The following TBCE variants were observed in gnomAD, a reference collection of about 807,000 sequenced individuals.
The protein encoded by TBCE is tubulin-specific chaperone E.
In TBCE, 53 loss-of-function variants were observed where a neutral mutation model predicts 77.0. The ratio of observed to expected loss-of-function variants is 0.69; its 90% CI spans 0.55 to 0.87. TBCE has a LOEUF of 0.87. Ranked by LOEUF, TBCE falls within the 40% of genes least tolerant of loss-of-function variation. TBCE has a pLI of 0.00. For synonymous variants in TBCE, 235 were observed against 241.3 expected (o/e 0.97, Z 0.24); for missense variants, 624 against 622.4 (o/e 1.00, Z -0.03).
Position 235,419,473 on chromosome 1 carries a change from T to C in TBCE, c.372T>C (p.Ser124=), listed in dbSNP as rs1050078313. The C allele has an allele frequency of 1.2e-6, 2 of 1,614,028 alleles. No homozygotes were observed. The highest frequency in any genetic ancestry group is 1.7e-6 in the Non-Finnish European group (2 of 1,180,032). ...IGFDSIMKQQ[S]QLSKLQEVSL... ...CATGTGAACTCTGTTTTTCATGCAGTCAGCTGAGCAAGTTGCAAGAAGTTT... is the reference window on the plus strand; with the variant it reads ...CATGTGAACTCTGTTTTTCATGCAGCCAGCTGAGCAAGTTGCAAGAAGTTT... Residue 124 remains serine, a splice_region_variant and synonymous_variant, in exon 5 of 17, where the codon AGT becomes AGC. Transcript: ENST00000642610.
intron 14 of TBCE, among the ~76,000 whole-genome samples, chr1:235,442,491 C>T (rs1183226725): frequency 6.6e-6 from 1 of 152,180 alleles, no homozygotes; most frequent in Admixed American, 6.5e-5. Flanking sequence ...TTCTTTAAAA[C>T]ATGTTTAAAT....
intron 5 of TBCE, among the ~76,000 whole-genome samples, chr1:235,426,575 A>G (rs1680725502): frequency 6.6e-6 from 1 of 152,180 alleles, no homozygotes; most frequent in Non-Finnish European, 1.5e-5. Flanking sequence ...GTTTAGCGTT[A>G]TGACATTTGG....
intron 2 of TBCE, among the ~76,000 whole-genome samples, chr1:235,387,468 G>A (rs567312162): frequency 3.3e-5 from 5 of 152,186 alleles, no homozygotes; most frequent in East Asian, 1.9e-4. Flanking sequence ...CGAGCTTCCC[G>A]GCTGCTTTGT....
At chr1:235,422,516 A>C (rs1174863674) in intron 5 of TBCE, among the ~76,000 whole-genome samples, 2 of 142,322 alleles carry the variant, frequency 1.4e-5, no homozygotes, top group East Asian at 4.0e-4. Context: ...ACTCCATCTC[A>C]AAAAAAAAAA....
intron 9 of TBCE, 128 bp from the exon 10 acceptor site, chr1:235,436,258 T>G: frequency 1.2e-6 from 1 of 809,468 alleles, no homozygotes; most frequent in Non-Finnish European, 2.1e-6. Context: ...GACTTTATGG[T>G]TTCTAAGTAT....
At chr1:235,372,002 A>T (rs12079328) in intron 1 of TBCE, among the ~76,000 whole-genome samples, 20,641 of 149,740 alleles carry the variant, frequency 0.14, 1,704 homozygotes, top group African/African-American at 0.23. Flanking sequence ...TTTTTTGTAC[A>T]ATAGGGTCTC....
At chr1:235,394,444 G>C (rs1277334853) in intron 2 of TBCE, among the ~76,000 whole-genome samples, 1 of 13,896 alleles carries the variant, frequency 7.2e-5, no homozygotes, top group Non-Finnish European at 1.9e-4. Flanking sequence ...TTTTTTTTTT[G>C]AGACAGGTTG....
At chr1:235,419,341 G>C in intron 4 of TBCE, 132 bp from the exon 5 acceptor site, 1 of 1,269,390 alleles carries the variant, frequency 7.9e-7, no homozygotes, top group Non-Finnish European at 1.1e-6. Flanking sequence ...TTCTTAATTT[G>C]GGTGGTGGTT....
rs181223923 is a variant in TBCE, at chr1:235,434,291, C to T, written c.737+11C>T. The T allele has an allele frequency of 6.2e-4, 996 of 1,609,656 alleles. 1 individual carries two copies. Among genetic ancestry groups the T allele is most frequent in the Non-Finnish European group, 6.8e-4 (795 of 1,175,988 alleles). ...TTTCATTTCCGAAAGGTAACTAGCA[C>T]TTACTTAAATGCATCTATCCCCATT... On this transcript the variant is annotated intron_variant, in intron 8 of 16. Transcript: ENST00000642610.
intron 3 of TBCE, among the ~76,000 whole-genome samples, chr1:235,412,092 GTTTCCCTTCCCATCCC>G (rs768868882): frequency 0.07 from 3,315 of 47,424 alleles, 192 homozygotes; most frequent in African/African-American, 0.13. Flanking sequence ...CACTCTCCAA[GTTTCCCTTCCCATCCC>G]TTTCCCTTCC....
chr1:235,379,863 C>T (rs988021912), intron 1 of TBCE, among the ~76,000 whole-genome samples, 156 bp from the exon 2 acceptor site: 11 of 149,028 alleles, frequency 7.4e-5, no homozygotes, highest in African/African-American at 2.2e-4. Flanking sequence ...GCACAAGAAC[C>T]CTTGAGCCTG....
intron 3 of TBCE, among the ~76,000 whole-genome samples, chr1:235,402,547 A>C (rs1474195400): frequency 6.6e-6 from 1 of 152,170 alleles, no homozygotes; most frequent in Non-Finnish European, 1.5e-5. Flanking sequence ...TTTTTCCTTA[A>C]GTATGGTACA....
rs1036391072 is a variant in TBCE, at chr1:235,375,037, C to T, written c.-31-4982C>T. ...CTGGGTTCACACCATTCTCCTGCCT[C>T]AGCCTCCCGAGTAGCTGGGACTACA... On this transcript the variant is annotated intron_variant, in intron 1 of 16. Transcript: ENST00000642610. Among the ~76,000 whole-genome samples, 11 of 147,224 alleles carry T rather than the reference C, an allele frequency of 7.5e-5. No homozygotes were observed. The South Asian group carries it at 1.1e-3, about 14-fold the overall frequency.
chr1:235,376,728 CA>C (rs1475515320), intron 1 of TBCE, among the ~76,000 whole-genome samples: 2 of 152,136 alleles, frequency 1.3e-5, no homozygotes, highest in African/African-American at 4.8e-5. Context: ...GTAATCCCAG[CA>C]CTTGGAGGCC....
chr1:235,402,189 G>C (rs1194277446), intron 3 of TBCE, among the ~76,000 whole-genome samples: 2 of 150,514 alleles, frequency 1.3e-5, no homozygotes, highest in Non-Finnish European at 3.0e-5. Flanking sequence ...TCAGCCTCCT[G>C]AGTAGCTGGG....
chr1:235,446,527 A>G (rs1267744250), intron 15 of TBCE, among the ~76,000 whole-genome samples: 1 of 152,196 alleles, frequency 6.6e-6, no homozygotes, highest in Non-Finnish European at 1.5e-5. Context: ...GCCTAGAGGT[A>G]TACCTCTCAA....
chr1:235,412,131 TTCTCCTCCCCTTCCCCTCCCC>T (rs1679819175), intron 3 of TBCE, among the ~76,000 whole-genome samples: 2 of 41,128 alleles, frequency 4.9e-5, no homozygotes, highest in Non-Finnish European at 4.7e-5. Flanking sequence ...TCCCTTTCCC[TTCTCCTCCCCTTCCCCTCCCC>T]TCCCCTCCCC....
Position 235,450,021 on chromosome 1 carries a change from A to G in TBCE, c.*1259A>G. The G allele has an allele frequency of 1.7e-6, 1 of 598,150 alleles. No homozygotes were observed. Among genetic ancestry groups the G allele is most frequent in the Non-Finnish European group, 2.8e-6 (1 of 362,620 alleles). 37.1% of individuals were successfully genotyped at this position (598,150 alleles called of 1,614,324 possible). A position where few individuals can be genotyped will look rare whatever the true frequency, so the allele number is the denominator to read the frequency against. ...AAAACTTTTCTTATGCTACAGTACA[A>G]GTTGATTTTTAAGGAAATTTGTGCA... is the stretch of plus-strand genomic sequence containing the variant. On this transcript the variant is annotated 3_prime_UTR_variant, in exon 17 of 17. Transcript: ENST00000642610.
intron 2 of TBCE, among the ~76,000 whole-genome samples, chr1:235,390,848 C>G (rs538122773): frequency 1.3e-4 from 19 of 151,330 alleles, no homozygotes; most frequent in Admixed American, 4.6e-4. Flanking sequence ...ATTGTTTATT[C>G]TGAAGATGGA....
Sources: gnomAD v4.1 joint callset for allele counts (sites outside exome capture counted in the v4.1 genomes callset) on GRCh38, gnomAD v4.1.1 for gene constraint, MANE v1.5 for transcripts, NCBI Gene and HGNC (gene_info 2026-07-23, HGNC 2026-07-21) for gene names.